The following FFAR4 variants were observed in gnomAD, a reference collection of about 807,000 sequenced individuals.
FFAR4 encodes the protein G-protein coupled receptor 120.
In FFAR4, 19 loss-of-function variants were observed where a neutral mutation model predicts 27.0. That is an observed-to-expected ratio of 0.70 (90% CI 0.49 to 1.03). The LOEUF is 1.03. FFAR4 is among the 50% of genes least tolerant of loss of function. The pLI, the probability that FFAR4 is intolerant of heterozygous loss-of-function variation, is 0.00. For missense variants in FFAR4, 476 were observed against 479.0 expected (o/e 0.99, Z 0.06); for synonymous variants, 254 against 215.6 (o/e 1.18, Z -1.56).
intron 1 of FFAR4, among the ~76,000 whole-genome samples, chr10:93,573,213 G>A (rs2058142113): frequency 6.6e-6 from 1 of 152,222 alleles, no homozygotes; most frequent in Non-Finnish European, 1.5e-5. Flanking sequence ...CTGTGGCTTC[G>A]CTGTGGTCAG....
intron 2 of FFAR4, among the ~76,000 whole-genome samples, chr10:93,582,158 G>A (rs2058201421): frequency 6.6e-6 from 1 of 152,148 alleles, no homozygotes; most frequent in African/African-American, 2.4e-5. Context: ...GAGGAGAGGA[G>A]CCACATTTGA....
intron 1 of FFAR4, among the ~76,000 whole-genome samples, chr10:93,573,613 A>G (rs2058144961): frequency 6.6e-6 from 1 of 152,212 alleles, no homozygotes; most frequent in South Asian, 2.1e-4. Context: ...CAACAATACC[A>G]TACAAAACCT....
intron 2 of FFAR4, among the ~76,000 whole-genome samples, chr10:93,578,901 T>C (rs1178507803): frequency 1.3e-5 from 2 of 152,196 alleles, no homozygotes; most frequent in Non-Finnish European, 2.9e-5. Context: ...GTCTCACTCC[T>C]GAGTTCCTTA....
In FFAR4 at chr10:93,576,082, TG is replaced by T. The variant is rs2058162095; in HGVS notation, c.568-8del. ...ATTTACATGATGTTCTTTTCCTTTTTGTAACTAGGAAATTTCGATTTGCACA... is the reference window on the plus strand; with the variant it reads ...ATTTACATGATGTTCTTTTCCTTTTTTAACTAGGAAATTTCGATTTGCACA... On this transcript the variant is annotated splice_region_variant and splice_polypyrimidine_tract_variant and intron_variant, in intron 1 of 2. Transcript: ENST00000371481. 6.2e-7 allele frequency: 1 copy of T among 1,613,542 alleles called. No individual in the cohort carries two copies.
chr10:93,579,209 A>C, intron 2 of FFAR4: 1 of 1,611,410 alleles, frequency 6.2e-7, no homozygotes, highest in Non-Finnish European at 8.5e-7. Flanking sequence ...ACAGTGAGGT[A>C]AAAGGGCACT....
In FFAR4 at chr10:93,576,088, T is replaced by C. The variant is rs780164508; in HGVS notation, c.568-3T>C. 5.6e-6 allele frequency: 9 copies of C among 1,613,710 alleles called. No homozygotes were observed. Among genetic ancestry groups the C allele is most frequent in the African/African-American group, 1.3e-5 (1 of 74,920 alleles). Reference sequence around the variant, plus strand: ...ATGATGTTCTTTTCCTTTTTGTAACTAGGAAATTTCGATTTGCACACTGAT... The same window carrying C: ...ATGATGTTCTTTTCCTTTTTGTAACCAGGAAATTTCGATTTGCACACTGAT... On this transcript the variant is annotated splice_region_variant and splice_polypyrimidine_tract_variant and intron_variant, in intron 1 of 2. Coordinates refer to ENST00000371481, the MANE Select transcript of FFAR4 (RefSeq NM_001195755.2).
intron 1 of FFAR4, among the ~76,000 whole-genome samples, chr10:93,570,839 C>A (rs971103574): frequency 2.6e-5 from 4 of 152,036 alleles, no homozygotes; most frequent in Non-Finnish European, 5.9e-5. Flanking sequence ...TGTTTAAATC[C>A]CATCTCTGCC....
rs1417094088 is a variant in FFAR4 at position 93,589,460 on chromosome 10, A to C, written c.*1851A>C. On this transcript the variant is annotated 3_prime_UTR_variant, in exon 3 of 3. Coordinates refer to ENST00000371481, the MANE Select transcript of FFAR4 (RefSeq NM_001195755.2). The stretch of plus-strand genomic sequence containing the variant: ...TAAATATACCTTGGGAAGGTAAAAC[A>C]AAGATGATTTATTGATGGGAAGGAT... 6.6e-6 allele frequency: 1 copy of C among 152,128 alleles called. No homozygotes were observed. Among genetic ancestry groups the C allele is most frequent in the Non-Finnish European group, 1.5e-5 (1 of 68,036 alleles). The allele number at this position is 152,128 out of a possible 1,614,324, so 9.4% of individuals were successfully genotyped here. A position where few individuals can be genotyped will look rare whatever the true frequency, so the allele number is the denominator to read the frequency against.
chr10:93,589,432 T>C lies in FFAR4; in HGVS notation c.*1823T>C, dbSNP rs2134561742. ...TTAGGGAGGGATTGTGAGAAATGACTTGTAAATATACCTTGGGAAGGTAAA... is the reference window on the plus strand; with the variant it reads ...TTAGGGAGGGATTGTGAGAAATGACCTGTAAATATACCTTGGGAAGGTAAA... On this transcript the variant is annotated 3_prime_UTR_variant, in exon 3 of 3. Coordinates refer to ENST00000371481, the MANE Select transcript of FFAR4 (RefSeq NM_001195755.2). 1 of 152,388 alleles carries C rather than the reference T, an allele frequency of 6.6e-6. No homozygotes were observed. Among genetic ancestry groups the C allele is most frequent in the African/African-American group, 2.4e-5 (1 of 41,570 alleles). The allele number at this position is 152,388 out of a possible 1,614,324, so 9.4% of individuals were successfully genotyped here.
At chr10:93,567,514 T>G (rs2058106056) in intron 1 of FFAR4, among the ~76,000 whole-genome samples, 1 of 152,214 alleles carries the variant, frequency 6.6e-6, no homozygotes, top group South Asian at 2.1e-4. Flanking sequence ...CCCAAATTCT[T>G]GCAAAATGCA....
intron 1 of FFAR4, among the ~76,000 whole-genome samples, chr10:93,571,042 C>T (rs137927969): frequency 6.6e-5 from 10 of 152,320 alleles, no homozygotes; most frequent in Non-Finnish European, 1.0e-4. Flanking sequence ...TTATTAGTTT[C>T]CTTATCTTTG....
At position 93,567,180 on chromosome 10, in the gene FFAR4, G is replaced by A. The variant is rs766827732; in HGVS notation, c.460G>A (p.Ala154Thr). The A allele has an allele frequency of 3.1e-6, 5 of 1,603,746 alleles. No individual in the cohort carries two copies. Among genetic ancestry groups the A allele is most frequent in the Non-Finnish European group, 4.2e-6 (5 of 1,178,956 alleles). Residue 154 changes from alanine to threonine, a missense_variant, in exon 1 of 3, where the codon GCG becomes ACG. Transcript: ENST00000371481. ...QRGVRGPGRR[A>T]RAVLLALIWG... is the part of the protein sequence containing the mutation. ...CGGCGTGCGGGGTCCTGGGCGGCGG[G>A]CGCGGGCAGTGCTGCTGGCGCTCAT...
At chr10:93,582,610 C>T (rs1429426825) in intron 2 of FFAR4, among the ~76,000 whole-genome samples, 1 of 151,362 alleles carries the variant, frequency 6.6e-6, no homozygotes, top group African/African-American at 2.4e-5. Flanking sequence ...CCCACTTTGT[C>T]TGTCACCCGC....
intron 2 of FFAR4, among the ~76,000 whole-genome samples, chr10:93,585,324 A>G (rs1470689429): frequency 6.6e-6 from 1 of 152,206 alleles, no homozygotes; most frequent in East Asian, 1.9e-4. Context: ...GTGTGCAAGG[A>G]TACGCATGAG....
intron 1 of FFAR4, among the ~76,000 whole-genome samples, chr10:93,570,499 C>G (rs76543749): frequency 8.5e-5 from 13 of 152,096 alleles, no homozygotes; most frequent in African/African-American, 2.9e-4. Context: ...TCTGTCTGCC[C>G]CATCCCACTT....
intron 2 of FFAR4, among the ~76,000 whole-genome samples, chr10:93,583,365 G>A (rs911329398): frequency 4.2e-4 from 64 of 151,004 alleles, no homozygotes; most frequent in African/African-American, 1.2e-3. Context: ...GCAGTGAGCC[G>A]AGATGGCGCC....
At chr10:93,584,322 G>A (rs1245797970) in intron 2 of FFAR4, among the ~76,000 whole-genome samples, 4 of 152,182 alleles carry the variant, frequency 2.6e-5, no homozygotes, top group African/African-American at 9.6e-5. Flanking sequence ...TGAGACTTTT[G>A]TAATTTGTCT....
At chr10:93,568,039 G>C (rs1471782711) in intron 1 of FFAR4, among the ~76,000 whole-genome samples, 1 of 152,188 alleles carries the variant, frequency 6.6e-6, no homozygotes, top group Non-Finnish European at 1.5e-5. Flanking sequence ...GTCATTATTA[G>C]CTCATAGGGG....
At position 93,587,290 on chromosome 10, in the gene FFAR4, C is replaced by A; in HGVS notation, c.767C>A (p.Ser256Tyr). 6.2e-7 allele frequency: 1 copy of A among 1,614,074 alleles called. No individual in the cohort carries two copies. Among genetic ancestry groups the A allele is most frequent in the Non-Finnish European group, 8.5e-7 (1 of 1,179,952 alleles). ...AYSESHQIRV[S>Y]QQDFRLFRTL... Reference sequence around the variant, plus strand: ...TCGGAGAGCCACCAGATCCGCGTGTCCCAGCAGGACTTCCGGCTCTTCCGC... The same window carrying A: ...TCGGAGAGCCACCAGATCCGCGTGTACCAGCAGGACTTCCGGCTCTTCCGC... Residue 256 changes from serine (S) to tyrosine (Y), a missense_variant, in exon 3 of 3, where the codon TCC becomes TAC. Ser to Tyr is a moderately radical substitution (Grantham distance 144). Coordinates refer to ENST00000371481, the MANE Select transcript of FFAR4 (RefSeq NM_001195755.2).
Sources: allele counts gnomAD v4.1 joint callset (sites outside exome capture counted in the v4.1 genomes callset), GRCh38; gene constraint gnomAD v4.1.1; transcripts MANE v1.5; gene names NCBI Gene and HGNC (gene_info 2026-07-23, HGNC 2026-07-21).